ERBB4: variants seen among roughly 807,000 people sequenced by gnomAD.
The protein encoded by ERBB4 is erb-b2 receptor tyrosine kinase 4.
Under a neutral mutation model 158.0 loss-of-function variants are expected in ERBB4, and 42 were observed. That is an observed-to-expected ratio of 0.27 (90% CI 0.21 to 0.34). The LOEUF (loss-of-function observed/expected upper bound fraction) is 0.34, where lower values mean the gene tolerates loss of function less well. ERBB4 is among the 10% of genes least tolerant of loss of function. ERBB4 has a pLI of 1.00. For synonymous variants in ERBB4, 583 were observed against 558.7 expected (o/e 1.04, Z -0.61); for missense variants, 1,333 against 1,624.1 (o/e 0.82, Z 3.08).
intron 20 of ERBB4, among the ~76,000 whole-genome samples, chr2:211,537,137 A>G (rs931712239): frequency 1.3e-5 from 2 of 151,984 alleles, no homozygotes; most frequent in East Asian, 1.9e-4. Context: ...TAAAAAATCA[A>G]TTTTCCCAAT....
At chr2:212,133,398 T>A (rs1386355455) in intron 1 of ERBB4, among the ~76,000 whole-genome samples, 2 of 146,300 alleles carry the variant, frequency 1.4e-5, no homozygotes, top group African/African-American at 5.3e-5. Context: ...ATTTTGGTGT[T>A]TTTTTTTTGT....
intron 19 of ERBB4, among the ~76,000 whole-genome samples, chr2:211,600,209 T>G (rs1031190119): frequency 6.6e-6 from 1 of 152,210 alleles, no homozygotes; most frequent in Admixed American, 6.5e-5. Flanking sequence ...TTTTTCAATT[T>G]CATTTCCTTA....
intron 5 of ERBB4, among the ~76,000 whole-genome samples, chr2:211,748,149 A>G (rs2075028202): frequency 6.6e-6 from 1 of 151,926 alleles, no homozygotes; most frequent in African/African-American, 2.4e-5. Flanking sequence ...GAAACCAGTG[A>G]TATGGAGGAA....
At chr2:211,979,700 T>G (rs1225963811) in intron 2 of ERBB4, among the ~76,000 whole-genome samples, 1 of 152,138 alleles carries the variant, frequency 6.6e-6, no homozygotes, top group Non-Finnish European at 1.5e-5. Context: ...TTTTATTAGG[T>G]TCAGTGAAAT....
At chr2:212,222,466 G>A (rs1172562835) in intron 1 of ERBB4, among the ~76,000 whole-genome samples, 1 of 151,470 alleles carries the variant, frequency 6.6e-6, no homozygotes. Flanking sequence ...CACTACTCTT[G>A]CTTAAGTTAT....
At chr2:211,993,230 C>T (rs528409304) in intron 2 of ERBB4, among the ~76,000 whole-genome samples, 3 of 152,272 alleles carry the variant, frequency 2.0e-5, no homozygotes, top group Non-Finnish European at 2.9e-5. Flanking sequence ...GGGTGAGACC[C>T]TAACCCAAGG....
At chr2:212,499,911 T>TC (rs1690789590) in intron 1 of ERBB4, among the ~76,000 whole-genome samples, 1 of 152,110 alleles carries the variant, frequency 6.6e-6, no homozygotes, top group African/African-American at 2.4e-5. Flanking sequence ...ATCCTGTCTC[T>TC]GTGCCTCAAG....
At chr2:211,687,671 T>C (rs114730379) in intron 12 of ERBB4, among the ~76,000 whole-genome samples, 2,009 of 152,222 alleles carry the variant, frequency 0.013, 27 homozygotes, top group Middle Eastern at 0.02. Context: ...AGGCTTTTGT[T>C]GGGGCTTTTT....
chr2:211,936,945 T>C (rs2080341126), intron 3 of ERBB4, among the ~76,000 whole-genome samples: 1 of 152,142 alleles, frequency 6.6e-6, no homozygotes. Flanking sequence ...ACCATTTTTA[T>C]TGTAACCTAT....
rs140385610 is a variant in ERBB4 at position 211,700,061 on chromosome 2, A to G, written c.1489+1906T>C. On this transcript the variant is annotated intron_variant, in intron 12 of 27. Transcript: ENST00000342788. ...TTCTGATTCTTTTATATATTTCTTTACATTATTTTGAATTCACAGTTAAAT... is the reference window on the plus strand; with the variant it reads ...TTCTGATTCTTTTATATATTTCTTTGCATTATTTTGAATTCACAGTTAAAT... Among the ~76,000 whole-genome samples the G allele has an allele frequency of 6.2e-3, 940 of 152,182 alleles. 8 individuals carry two copies. The highest frequency in any genetic ancestry group is 9.8e-3 in the Non-Finnish European group (666 of 67,966).
chr2:211,808,189 G>A (rs1337341743), intron 3 of ERBB4, among the ~76,000 whole-genome samples: 1 of 152,164 alleles, frequency 6.6e-6, no homozygotes, highest in Non-Finnish European at 1.5e-5. Flanking sequence ...TTTTAGACAT[G>A]AAGTCCTTGC....
At chr2:212,015,075 T>A (rs865821274) in intron 2 of ERBB4, among the ~76,000 whole-genome samples, 630 of 2,058 alleles carry the variant, frequency 0.31, 227 homozygotes, top group Middle Eastern at 1. Flanking sequence ...TATATATATA[T>A]ATATATATAT....
chr2:211,898,132 T>C (rs1413886238), intron 3 of ERBB4, among the ~76,000 whole-genome samples: 1 of 152,010 alleles, frequency 6.6e-6, no homozygotes, highest in Non-Finnish European at 1.5e-5. Flanking sequence ...TTTTAAGAGT[T>C]AGTCAGTAGC....
chr2:212,050,769 G>C (rs1219132654), intron 2 of ERBB4, among the ~76,000 whole-genome samples: 1 of 151,246 alleles, frequency 6.6e-6, no homozygotes, highest in African/African-American at 2.4e-5. Context: ...TTCACTTTTA[G>C]CCTATTTTTT....
chr2:211,747,417 T>A (rs1040151104), intron 5 of ERBB4, among the ~76,000 whole-genome samples: 4 of 152,136 alleles, frequency 2.6e-5, no homozygotes, highest in Non-Finnish European at 4.4e-5. Flanking sequence ...CACTTCTGGT[T>A]GATAAACACT....
intron 3 of ERBB4, among the ~76,000 whole-genome samples, chr2:211,797,849 C>T (rs1271764332): frequency 6.6e-6 from 1 of 151,872 alleles, no homozygotes; most frequent in East Asian, 1.9e-4. Context: ...AAGTTTAAAT[C>T]TGGAGAAAAT....
chr2:211,689,685 T>C (rs998563339), intron 12 of ERBB4, among the ~76,000 whole-genome samples: 1 of 152,194 alleles, frequency 6.6e-6, no homozygotes, highest in Non-Finnish European at 1.5e-5. Flanking sequence ...CAATTATATT[T>C]ATGAATATTA....
At chr2:211,582,286 A>G (rs2068128469) in intron 19 of ERBB4, among the ~76,000 whole-genome samples, 2 of 152,144 alleles carry the variant, frequency 1.3e-5, no homozygotes, top group South Asian at 2.1e-4. Context: ...TTTTTGGTCT[A>G]TTCCCACATA....
chr2:212,448,747 A>T (rs1005723324), intron 1 of ERBB4, among the ~76,000 whole-genome samples: 1 of 152,038 alleles, frequency 6.6e-6, no homozygotes, highest in Non-Finnish European at 1.5e-5. Context: ...AGCAGTTACT[A>T]AAAAAAACTT....
Sources: allele counts gnomAD v4.1 joint callset (sites outside exome capture counted in the v4.1 genomes callset), GRCh38; gene constraint gnomAD v4.1.1; transcripts MANE v1.5; gene names NCBI Gene and HGNC (gene_info 2026-07-23, HGNC 2026-07-21).